Variants in SLC25A21 observed in about 807,000 individuals in gnomAD.
The protein encoded by SLC25A21 is solute carrier family 25 member 21.
In SLC25A21, 47 loss-of-function variants were observed where a neutral mutation model predicts 43.8. The observed-to-expected ratio is 1.07, with a 90% CI of 0.85 to 1.37. SLC25A21 has a LOEUF of 1.37. Among genes scored for constraint, SLC25A21 ranks in the 40% most tolerant of loss-of-function variants. SLC25A21 has a pLI of 0.00. For missense variants in SLC25A21, 352 were observed against 350.2 expected (o/e 1.00, Z -0.04); for synonymous variants, 131 against 121.3 (o/e 1.08, Z -0.52).
intron 1 of SLC25A21, among the ~76,000 whole-genome samples, chr14:36,988,982 T>C (rs1485828502): frequency 6.6e-6 from 1 of 152,208 alleles, no homozygotes; most frequent in Non-Finnish European, 1.5e-5. Flanking sequence ...AAAAGACAAA[T>C]CTCTTAGAAA....
intron 1 of SLC25A21, among the ~76,000 whole-genome samples, chr14:37,020,106 AG>A (rs1235537476): frequency 5.9e-5 from 9 of 152,120 alleles, no homozygotes; most frequent in African/African-American, 2.2e-4. Flanking sequence ...TAAATAATGT[AG>A]TTTTAAGAAT....
chr14:36,854,690 T>C (rs1245501973), intron 2 of SLC25A21, among the ~76,000 whole-genome samples: 1 of 152,184 alleles, frequency 6.6e-6, no homozygotes, highest in African/African-American at 2.4e-5. Context: ...GGTAGTCTGG[T>C]GTAGATAGAA....
intron 1 of SLC25A21, among the ~76,000 whole-genome samples, chr14:37,081,175 C>T (rs1884222): frequency 6.6e-6 from 1 of 152,078 alleles, no homozygotes; most frequent in Non-Finnish European, 1.5e-5. Flanking sequence ...TATTTGGGAA[C>T]GTGAGAAAAG....
At chr14:37,123,382 A>G (rs1249849363) in intron 1 of SLC25A21, among the ~76,000 whole-genome samples, 1 of 152,234 alleles carries the variant, frequency 6.6e-6, no homozygotes, top group Non-Finnish European at 1.5e-5. Flanking sequence ...GAAAGAGAAG[A>G]ATGCAATTTT....
At chr14:36,911,372 T>C (rs374402865) in intron 1 of SLC25A21, among the ~76,000 whole-genome samples, 2 of 152,138 alleles carry the variant, frequency 1.3e-5, no homozygotes, top group African/African-American at 4.8e-5. Context: ...CACAGAGCCA[T>C]TAAAGGGCAG....
chr14:36,754,706 C>T (rs866569148), intron 3 of SLC25A21, among the ~76,000 whole-genome samples: 7 of 147,694 alleles, frequency 4.7e-5, no homozygotes, highest in Middle Eastern at 3.4e-3. Flanking sequence ...ATTGATGGCA[C>T]GAACATACAA....
chr14:36,873,708 T>C (rs1890440245), intron 2 of SLC25A21, among the ~76,000 whole-genome samples: 1 of 152,136 alleles, frequency 6.6e-6, no homozygotes, highest in Non-Finnish European at 1.5e-5. Flanking sequence ...GCAACGGTAT[T>C]TGGAAGTGAG....
intron 7 of SLC25A21, among the ~76,000 whole-genome samples, chr14:36,707,505 G>T (rs1883627609): frequency 6.6e-6 from 1 of 152,086 alleles, no homozygotes; most frequent in African/African-American, 2.4e-5. Flanking sequence ...CCAGTGCCTA[G>T]ATCATTAAAT....
intron 1 of SLC25A21, among the ~76,000 whole-genome samples, chr14:37,081,817 C>T (rs185563524): frequency 6.6e-6 from 1 of 152,256 alleles, no homozygotes; most frequent in Non-Finnish European, 1.5e-5. Context: ...TCTGAATAAA[C>T]ATAAAAAGGC....
At chr14:37,165,001 A>T (rs1441410823) in intron 1 of SLC25A21, among the ~76,000 whole-genome samples, 1 of 152,246 alleles carries the variant, frequency 6.6e-6, no homozygotes, top group East Asian at 1.9e-4. Flanking sequence ...TTGAACTAAA[A>T]CAATGAATTT....
chr14:37,141,303 C>T (rs1482422487), intron 1 of SLC25A21, among the ~76,000 whole-genome samples: 1 of 152,096 alleles, frequency 6.6e-6, no homozygotes, highest in African/African-American at 2.4e-5. Context: ...TAATGACTAG[C>T]TAAAGATGCT....
At chr14:36,837,781 C>A (rs1463798759) in intron 2 of SLC25A21, among the ~76,000 whole-genome samples, 2 of 152,216 alleles carry the variant, frequency 1.3e-5, no homozygotes, top group African/African-American at 4.8e-5. Context: ...ACTCCTCACA[C>A]TGAAAGACTT....
chr14:37,152,569 A>C (rs1270773085), intron 1 of SLC25A21, among the ~76,000 whole-genome samples: 1 of 151,916 alleles, frequency 6.6e-6, no homozygotes, highest in African/African-American at 2.4e-5. Flanking sequence ...TCTGCTATAT[A>C]CCTTAAAAAT....
chr14:37,095,818 G>GCACA (rs3061856), intron 1 of SLC25A21, among the ~76,000 whole-genome samples: 10 of 139,570 alleles, frequency 7.2e-5, no homozygotes, highest in African/African-American at 2.7e-4. Flanking sequence ...ACACGCGCAC[G>GCACA]CACACACACA....
intron 1 of SLC25A21, among the ~76,000 whole-genome samples, chr14:37,077,938 T>A (rs942629347): frequency 7.2e-5 from 11 of 152,202 alleles, no homozygotes; most frequent in East Asian, 1.9e-4. Flanking sequence ...ATAGACATTT[T>A]AAAAATTTTT....
intron 1 of SLC25A21, among the ~76,000 whole-genome samples, chr14:37,091,066 G>A (rs1304935530): frequency 6.6e-6 from 1 of 152,012 alleles, no homozygotes; most frequent in African/African-American, 2.4e-5. Flanking sequence ...ACAACCAACG[G>A]CACTATAACT....
intron 7 of SLC25A21, among the ~76,000 whole-genome samples, chr14:36,702,475 C>CAAAAAAAAAAA (rs1213350246): frequency 9.1e-5 from 6 of 66,130 alleles, no homozygotes; most frequent in East Asian, 4.9e-4. Context: ...CCTGTCTCCA[C>CAAAAAAAAAAA]AAAAAAAAAA....
intron 1 of SLC25A21, among the ~76,000 whole-genome samples, chr14:37,162,341 T>C (rs201468872): frequency 5.3e-5 from 8 of 150,200 alleles, no homozygotes; most frequent in African/African-American, 2.0e-4. Context: ...TCCTTGCCCA[T>C]GCCTATGTCC....
intron 1 of SLC25A21, among the ~76,000 whole-genome samples, chr14:36,948,702 A>G (rs1391435271): frequency 2.6e-5 from 4 of 152,206 alleles, no homozygotes; most frequent in Non-Finnish European, 5.9e-5. Flanking sequence ...TGCACTTGAA[A>G]TATGGCTAGG....
Sources: gnomAD v4.1 joint callset for allele counts (sites outside exome capture counted in the v4.1 genomes callset) on GRCh38, gnomAD v4.1.1 for gene constraint, MANE v1.5 for transcripts, NCBI Gene and HGNC (gene_info 2026-07-23, HGNC 2026-07-21) for gene names.